ATP2B2: variants seen among roughly 807,000 people sequenced by gnomAD.
ATP2B2 encodes the protein plasma membrane calcium-transporting ATPase 2.
In ATP2B2, 15 loss-of-function variants were observed where a neutral mutation model predicts 120.0. That is an observed-to-expected ratio of 0.12 (90% CI 0.08 to 0.19). ATP2B2 has a LOEUF of 0.19. ATP2B2 is among the 10% of genes least tolerant of loss of function. The pLI, the probability that ATP2B2 is intolerant of heterozygous loss-of-function variation, is 1.00. For synonymous variants in ATP2B2, 694 were observed against 700.3 expected (o/e 0.99, Z 0.14); for missense variants, 1,045 against 1,719.8 (o/e 0.61, Z 6.94).
chr3:10,568,112 G>T (rs1179729279), intron 2 of ATP2B2, among the ~76,000 whole-genome samples: 1 of 152,176 alleles, frequency 6.6e-6, no homozygotes, highest in African/African-American at 2.4e-5. Context: ...GGCGAGCCTG[G>T]TCCTGCCCAG....
chr3:10,577,202 G>A (rs1387972478), intron 2 of ATP2B2, among the ~76,000 whole-genome samples: 1 of 152,138 alleles, frequency 6.6e-6, no homozygotes, highest in African/African-American at 2.4e-5. Context: ...GATTCCTGGA[G>A]AATCACATTC....
In ATP2B2 at chr3:10,590,625, G is replaced by A. The variant is rs143784847; in HGVS notation, c.-415+29292C>T. 4.5e-3 allele frequency among the ~76,000 whole-genome samples: 684 copies of A among 152,292 alleles called. 3 individuals carry two copies. Among genetic ancestry groups the A allele is most frequent in the Non-Finnish European group, 7.6e-3 (517 of 68,010 alleles). On this transcript the variant is annotated intron_variant, in intron 2 of 21. Transcript: ENST00000646379. ...GCTGCTCTTGGATTCACTCTGCGTC[G>A]TTCTTAGTGGAAGACTGCTCTCAGT...
chr3:10,523,014 C>G lies in ATP2B2; in HGVS notation c.-320+11025G>C, dbSNP rs79347125. On this transcript the variant is annotated intron_variant, in intron 3 of 21. Transcript: ENST00000646379. ...CTCCACAGCTGATAGATGCACTGGA[C>G]TCTTCAAAGTGAAGGTCACAGATGT... Among the ~76,000 whole-genome samples the G allele has an allele frequency of 5.3e-5, 8 of 152,328 alleles. No individual in the cohort carries two copies. In the South Asian group the frequency reaches 1.7e-3, roughly 32 times the overall value.
chr3:10,474,906 C>T (rs1393355864), intron 1 of ATP2B2, among the ~76,000 whole-genome samples: 1 of 152,264 alleles, frequency 6.6e-6, no homozygotes, highest in Admixed American at 6.5e-5. Flanking sequence ...GCTGACCTGT[C>T]TCTGTGTCCC....
rs1462693826 is a variant in ATP2B2 at position 10,385,460 on chromosome 3, A to C, written c.941-133T>G. 11 of 765,754 alleles carry C rather than the reference A, an allele frequency of 1.4e-5. No homozygotes were observed. In the East Asian group the frequency reaches 3.0e-4, roughly 21 times the overall value. The allele number at this position is 765,754 out of a possible 1,614,324, so 47.4% of individuals were successfully genotyped here. A position where few individuals can be genotyped will look rare whatever the true frequency, so the allele number is the denominator to read the frequency against. ...AAAAAAAAATTATCCTTTGGAAACC[A>C]AGAAACTCAAATTTGGGGTGGGGGT... On this transcript the variant is annotated intron_variant, in intron 7 of 22. Transcript: ENST00000360273.
intron 2 of ATP2B2, among the ~76,000 whole-genome samples, chr3:10,577,578 C>T (rs181453007): frequency 8.5e-4 from 129 of 152,306 alleles, no homozygotes; most frequent in African/African-American, 3.0e-3. Flanking sequence ...AACCTCAGAA[C>T]GGGTTGTTTT....
At chr3:10,514,167 G>A (rs1575445547) in intron 3 of ATP2B2, among the ~76,000 whole-genome samples, 1 of 152,172 alleles carries the variant, frequency 6.6e-6, no homozygotes, top group African/African-American at 2.4e-5. Flanking sequence ...AAGTGCAGTT[G>A]GGATTTGGAC....
intron 3 of ATP2B2, among the ~76,000 whole-genome samples, chr3:10,510,963 A>G (rs2066749766): frequency 6.6e-6 from 1 of 151,814 alleles, no homozygotes; most frequent in Admixed American, 6.6e-5. Flanking sequence ...AGCTGCCTAC[A>G]TTCCTCCAAA....
chr3:10,641,310 C>T (rs2070165267), intron 1 of ATP2B2, among the ~76,000 whole-genome samples: 1 of 152,156 alleles, frequency 6.6e-6, no homozygotes, highest in South Asian at 2.1e-4. Flanking sequence ...CAAACTCAGG[C>T]TATCCAGGAG....
chr3:10,503,344 G>A lies in ATP2B2; in HGVS notation c.-320+2121C>T, dbSNP rs372609580. Reference sequence around the variant, plus strand: ...GGTCTGGGCCACGGGCAGCAGCTGCGTCCCTGGCCGCCTCTGTCTCCTTTC... The same window carrying A: ...GGTCTGGGCCACGGGCAGCAGCTGCATCCCTGGCCGCCTCTGTCTCCTTTC... On this transcript the variant is annotated intron_variant, in intron 1 of 22. Coordinates refer to ENST00000360273, the MANE Select transcript of ATP2B2 (RefSeq NM_001001331.4). 1.7e-4 allele frequency among the ~76,000 whole-genome samples: 26 copies of A among 152,366 alleles called. 2 individuals carry two copies. In the South Asian group the frequency reaches 3.7e-3, roughly 22 times the overall value.
rs758164319 is a variant in ATP2B2 at position 10,342,973 on chromosome 3, C to T, written c.2704-8G>A. ...GGCCTTCAGAGGGGAGTCCTGGGGA[C>T]GGGCAGGAGAGGGCTGTCACCTGTG... On this transcript the variant is annotated splice_polypyrimidine_tract_variant and splice_region_variant and intron_variant, in intron 18 of 22. Coordinates refer to ENST00000360273, the MANE Select transcript of ATP2B2 (RefSeq NM_001001331.4). This position sits in a 1 kb window ranked among gnomAD's most constrained non-coding sequence, Gnocchi z 4.4. 2.7e-5 allele frequency: 43 copies of T among 1,613,268 alleles called. No homozygotes were observed. Among genetic ancestry groups the T allele is most frequent in the African/African-American group, 6.7e-5 (5 of 74,882 alleles).
At position 10,378,238 on chromosome 3, in the gene ATP2B2, C is replaced by T; in HGVS notation, c.1201+14G>A. Reference sequence around the variant, plus strand: ...TGTGAGCCCTGTCCCCTGCCTCCCACCTGCTGCACTCACCCGCCTTCCCGA... The same window carrying T: ...TGTGAGCCCTGTCCCCTGCCTCCCATCTGCTGCACTCACCCGCCTTCCCGA... On this transcript the variant is annotated intron_variant, in intron 10 of 22. Coordinates refer to ENST00000360273, the MANE Select transcript of ATP2B2 (RefSeq NM_001001331.4). 3.1e-6 allele frequency: 5 copies of T among 1,603,730 alleles called. No individual in the cohort carries two copies. Among genetic ancestry groups the T allele is most frequent in the East Asian group, 2.2e-5 (1 of 44,870 alleles).
chr3:10,419,497 G>A (rs1050069454), intron 2 of ATP2B2, among the ~76,000 whole-genome samples: 2 of 152,252 alleles, frequency 1.3e-5, no homozygotes, highest in African/African-American at 4.8e-5. Flanking sequence ...GTCTTAGCTT[G>A]TGTCACAGAA....
At chr3:10,649,106 G>T (rs980545263) in intron 1 of ATP2B2, among the ~76,000 whole-genome samples, 1 of 152,128 alleles carries the variant, frequency 6.6e-6, no homozygotes, top group African/African-American at 2.4e-5. Flanking sequence ...TAGAGACGGG[G>T]TCTTCCTTTG....
chr3:10,518,456 G>A (rs1298169450), intron 3 of ATP2B2, among the ~76,000 whole-genome samples: 1 of 152,164 alleles, frequency 6.6e-6, no homozygotes, highest in African/African-American at 2.4e-5. Context: ...GATAGGGGAG[G>A]CATTCCTGGG....
intron 1 of ATP2B2, among the ~76,000 whole-genome samples, chr3:10,450,523 A>G (rs930733092): frequency 3.3e-5 from 5 of 152,114 alleles, no homozygotes; most frequent in African/African-American, 1.2e-4. Context: ...GATGGGAGAA[A>G]GCCCCCACCT....
intron 2 of ATP2B2, among the ~76,000 whole-genome samples, chr3:10,602,651 T>TA (rs2068955834): frequency 6.6e-6 from 1 of 152,214 alleles, no homozygotes; most frequent in African/African-American, 2.4e-5. Flanking sequence ...TTAATTGCAT[T>TA]AAAAAGTTTC....
chr3:10,433,084 C>T (rs2063371186), intron 2 of ATP2B2, among the ~76,000 whole-genome samples: 1 of 152,200 alleles, frequency 6.6e-6, no homozygotes, highest in Admixed American at 6.5e-5. Flanking sequence ...AATCCAAAAG[C>T]CCAGGCTGGT....
At chr3:10,531,620 C>T (rs1368969712) in intron 3 of ATP2B2, among the ~76,000 whole-genome samples, 2 of 152,172 alleles carry the variant, frequency 1.3e-5, no homozygotes, top group Non-Finnish European at 2.9e-5. Flanking sequence ...TTCATTCAAC[C>T]AACATGGGTT....
Sources: allele counts gnomAD v4.1 joint callset (sites outside exome capture counted in the v4.1 genomes callset), GRCh38; gene constraint gnomAD v4.1.1; non-coding constraint Gnocchi (gnomAD v3.1); transcripts MANE v1.5; gene names NCBI Gene and HGNC (gene_info 2026-07-23, HGNC 2026-07-21).